The following KNL1 variants were observed in gnomAD, a reference collection of about 807,000 sequenced individuals.
KNL1 encodes the protein outer kinetochore KNL1 complex subunit KNL1.
A neutral mutation model predicts 201.3 loss-of-function variants in KNL1; 66 were observed. The ratio of observed to expected loss-of-function variants is 0.33; its 90% CI spans 0.27 to 0.40. The LOEUF is 0.40. Ranked by LOEUF, KNL1 falls within the 10% of genes least tolerant of loss-of-function variation. The pLI is 1.00. For missense variants in KNL1, 2,815 were observed against 2,690.5 expected (o/e 1.05, Z -1.02); for synonymous variants, 895 against 899.2 (o/e 1.00, Z 0.08).
intron 13 of KNL1, among the ~76,000 whole-genome samples, chr15:40,634,194 A>G (rs956815657): frequency 6.6e-5 from 10 of 151,426 alleles, no homozygotes; most frequent in Non-Finnish European, 1.3e-4. Context: ...GCAACCTCCG[A>G]CTCCCAGGTT....
rs765287490 is a variant in KNL1 at position 40,621,340 on chromosome 15, G to A, written c.1076G>A (p.Gly359Glu). 1.2e-6 allele frequency: 2 copies of A among 1,612,606 alleles called. No homozygotes were observed. Among genetic ancestry groups the A allele is most frequent in the Non-Finnish European group, 1.7e-6 (2 of 1,179,314 alleles). Residue 359 changes from glycine to glutamate, a missense_variant, in exon 10 of 26, where the codon GGA (glycine) becomes GAA (glutamate). Coordinates refer to ENST00000399668, the MANE Select transcript of KNL1 (RefSeq NM_144508.5). ...VTTGYGTKAS[G>E]NKTVFKSKQN... is the part of the protein sequence containing the mutation. ...ACAGGTTATGGAACTAAAGCTTCAGGAAATAAAACAGTTTTTAAGAGTAAA... is the reference window on the plus strand; with the variant it reads ...ACAGGTTATGGAACTAAAGCTTCAGAAAATAAAACAGTTTTTAAGAGTAAA...
chr15:40,634,060 A>G (rs968569288), intron 13 of KNL1, among the ~76,000 whole-genome samples: 1 of 152,026 alleles, frequency 6.6e-6, no homozygotes, highest in African/African-American at 2.4e-5. Flanking sequence ...GGCCTAGGCT[A>G]ATGTGTGTGT....
At chr15:40,660,815 A>G (rs1292396104) in intron 25 of KNL1, among the ~76,000 whole-genome samples, 3 of 151,452 alleles carry the variant, frequency 2.0e-5, no homozygotes, top group East Asian at 2.0e-4. Context: ...CTAAACATAC[A>G]TAAATTAGCT....
At chr15:40,654,859 ACT>A (rs561819010) in intron 21 of KNL1, 48 bp from the exon 22 acceptor site, 42 of 1,361,384 alleles carry the variant, frequency 3.1e-5, no homozygotes, top group South Asian at 1.4e-4. Context: ...ACAAAGTGAG[ACT>A]CTCTGTCTAA....
In KNL1 at chr15:40,635,018, T is replaced by C. The variant is rs138855609; in HGVS notation, c.5682+5647T>C. ...TGGATTATATGTGGACCATGGAAAA[T>C]GAGGTTCGTGGCTGTGGGCATCTGT... On this transcript the variant is annotated intron_variant, in intron 13 of 25. Coordinates refer to ENST00000399668, the MANE Select transcript of KNL1 (RefSeq NM_144508.5). Among the ~76,000 whole-genome samples, 93 of 150,774 alleles carry C rather than the reference T, an allele frequency of 6.2e-4. 1 individual carries two copies. Among genetic ancestry groups the C allele is most frequent in the Middle Eastern group, 7.0e-3 (2 of 284 alleles).
chr15:40,635,601 G>A (rs922016237), intron 13 of KNL1, among the ~76,000 whole-genome samples: 3 of 151,936 alleles, frequency 2.0e-5, no homozygotes, highest in East Asian at 1.9e-4. Context: ...TGATCCGCCC[G>A]CCTCAGCTTC....
At chr15:40,655,399 C>T (rs764246804) in intron 22 of KNL1, among the ~76,000 whole-genome samples, 32 of 151,898 alleles carry the variant, frequency 2.1e-4, no homozygotes, top group Non-Finnish European at 4.1e-4. Context: ...CGAGACCAGC[C>T]TGGCCAACAT....
Position 40,659,447 on chromosome 15 carries a change from C to A in KNL1, c.6822C>A (p.His2274Gln), listed in dbSNP as rs749053735. The A allele has an allele frequency of 5.0e-6, 8 of 1,613,162 alleles. No homozygotes were observed. The African/African-American group carries it at 9.3e-5, about 19-fold the overall frequency. ...SVPLPSTIQN[H>Q]VGNTSQDDIA... is the part of the protein sequence containing the mutation. ...CATTACCTTCCACCATTCAGAATCA[C>A]GTTGGGAACACTAGGTGAGTAAAGG... The change falls in exon 25 of 26, where the codon CAC becomes CAA. Residue 2274 changes from histidine (H) to glutamine (Q), a missense_variant. His to Gln is a conservative substitution (Grantham distance 24, BLOSUM62 0). Transcript: ENST00000399668.
In KNL1 at chr15:40,631,775, A is replaced by G. The variant is rs1240319805; in HGVS notation, c.5682+2404A>G. On this transcript the variant is annotated intron_variant, in intron 13 of 25. Coordinates refer to ENST00000399668, the MANE Select transcript of KNL1 (RefSeq NM_144508.5). ...TGTAATTTCAGCACTTTGAGAGACC[A>G]AGGCGAGAGGAATGCTTGAGCTCAG... 1.1e-4 allele frequency among the ~76,000 whole-genome samples: 17 copies of G among 152,148 alleles called. 1 individual carries two copies. Among genetic ancestry groups the G allele is most frequent in the Admixed American group, 1.1e-3 (17 of 15,272 alleles).
chr15:40,613,129 C>A (rs1179199613), intron 7 of KNL1, among the ~76,000 whole-genome samples: 1 of 151,920 alleles, frequency 6.6e-6, no homozygotes, highest in East Asian at 1.9e-4. Context: ...GACTATGCAG[C>A]CGGAAAAAAA....
At chr15:40,610,153 T>G in intron 5 of KNL1, 92 bp from the exon 6 acceptor site, 1 of 708,464 alleles carries the variant, frequency 1.4e-6, no homozygotes, top group Non-Finnish European at 2.5e-6. Flanking sequence ...CAAAGTATTA[T>G]CTTGACCTAT....
rs769730878 is a variant in KNL1, at chr15:40,623,230, T to C, written c.2966T>C (p.Ile989Thr). 5.6e-6 allele frequency: 9 copies of C among 1,613,960 alleles called. No individual in the cohort carries two copies. In the South Asian group the frequency reaches 6.6e-5, roughly 12 times the overall value. ...AAAAGCCTAGGAACACCAACAGTGA[T>C]ATGTACTCCTACTGAGGAGAGTGTT... is the stretch of plus-strand genomic sequence containing the variant. The part of the protein sequence containing the change: ...QRKSLGTPTV[I>T]CTPTEESVFF... Residue 989 changes from isoleucine to threonine, a missense_variant, in exon 10 of 26, where the codon ATA (isoleucine) becomes ACA (threonine). Transcript: ENST00000399668.
At position 40,647,691 on chromosome 15, in the gene KNL1, CT is replaced by C. The variant is rs770635416; in HGVS notation, c.6094+620del. Among the ~76,000 whole-genome samples the C allele has an allele frequency of 6.1e-4, 93 of 152,220 alleles. 1 individual carries two copies. The highest frequency in any genetic ancestry group is 6.8e-3 in the Middle Eastern group (2 of 294). ...TTTTAGAGTTACTCTCCTGAAACTC[CT>C]TTCTCAAAGATCACATAATTCTGCA... On this transcript the variant is annotated intron_variant, in intron 17 of 25. Transcript: ENST00000399668.
At position 40,620,857 on chromosome 15, in the gene KNL1, A is replaced by G; in HGVS notation, c.593A>G (p.Glu198Gly). 6.3e-7 allele frequency: 1 copy of G among 1,595,502 alleles called. No individual in the cohort carries two copies. Among genetic ancestry groups the G allele is most frequent in the Non-Finnish European group, 8.5e-7 (1 of 1,174,262 alleles). ...LHTEDSRMKKEVNFSVDQNTS... is the reference protein window; with the variant it reads ...LHTEDSRMKKGVNFSVDQNTS... Reference sequence around the variant, plus strand: ...ACCGAGGACTCAAGAATGAAAAAAGAAGTAAATTTTTCCGTGGATCAAAAC... The same window carrying G: ...ACCGAGGACTCAAGAATGAAAAAAGGAGTAAATTTTTCCGTGGATCAAAAC... Residue 198 changes from glutamate (E) to glycine (G), a missense_variant, in exon 10 of 26, where the codon GAA becomes GGA. Transcript: ENST00000399668.
At chr15:40,635,078 T>G (rs1893016552) in intron 13 of KNL1, among the ~76,000 whole-genome samples, 1 of 151,236 alleles carries the variant, frequency 6.6e-6, no homozygotes, top group Admixed American at 6.6e-5. Context: ...AGATGGAGTT[T>G]CGCTTTGTCA....
At chr15:40,650,125 G>GAA (rs77867576) in intron 17 of KNL1, 176 bp from the exon 18 acceptor site, 917 of 382,112 alleles carry the variant, frequency 2.4e-3, no homozygotes, top group Middle Eastern at 3.7e-3. Flanking sequence ...CTCTTTCACA[G>GAA]AAAAAAAAAA....
chr15:40,597,447 T>C (rs1891652937), intron 1 of KNL1, among the ~76,000 whole-genome samples: 1 of 152,162 alleles, frequency 6.6e-6, no homozygotes, highest in South Asian at 2.1e-4. Context: ...AATTTTTTTG[T>C]AATTTTAGTA....
intron 2 of KNL1, among the ~76,000 whole-genome samples, chr15:40,604,125 CAT>C (rs1266694568): frequency 1.3e-5 from 2 of 151,748 alleles, no homozygotes; most frequent in African/African-American, 4.8e-5. Context: ...ATATCATCAT[CAT>C]CATCATCATC....
chr15:40,601,270 C>T (rs895357547), intron 1 of KNL1, among the ~76,000 whole-genome samples: 6 of 152,170 alleles, frequency 3.9e-5, no homozygotes, highest in Admixed American at 3.3e-4. Flanking sequence ...AGTTTCATCC[C>T]GAAACCATCC....
Sources: allele counts gnomAD v4.1 joint callset (sites outside exome capture counted in the v4.1 genomes callset), GRCh38; gene constraint gnomAD v4.1.1; transcripts MANE v1.5; gene names NCBI Gene and HGNC (gene_info 2026-07-23, HGNC 2026-07-21).